Variants in GALNT11 observed in about 807,000 individuals in gnomAD.
The protein encoded by GALNT11 is polypeptide N-acetylgalactosaminyltransferase 11.
A neutral mutation model predicts 72.7 loss-of-function variants in GALNT11; 47 were observed. That is an observed-to-expected ratio of 0.65 (90% CI 0.51 to 0.82). The LOEUF (loss-of-function observed/expected upper bound fraction) is 0.82, where lower values mean the gene tolerates loss of function less well. GALNT11 is among the 40% of genes least tolerant of loss of function. The pLI, the probability that GALNT11 is intolerant of heterozygous loss-of-function variation, is 0.00. For missense variants in GALNT11, 677 were observed against 778.4 expected, an observed-to-expected ratio of 0.87 and a Z score of 1.55; for synonymous variants, 270 against 286.6, an observed-to-expected ratio of 0.94 and a Z score of 0.58.
intron 1 of GALNT11, among the ~76,000 whole-genome samples, chr7:152,064,813 G>A (rs928061892): frequency 1.3e-5 from 2 of 152,212 alleles, no homozygotes; most frequent in Admixed American, 1.3e-4. Flanking sequence ...AGTTTCTGCT[G>A]AGAGATCCGC....
In GALNT11 at chr7:152,113,257, T is replaced by C; in HGVS notation, c.1092T>C (p.Cys364=). Residue 364 remains cysteine, a synonymous_variant, in exon 8 of 12, where the codon TGT becomes TGC. Coordinates refer to ENST00000430044, the MANE Select transcript of GALNT11 (RefSeq NM_022087.4). ...TTGCTTCTGGCCAGATCTGGATGTG[T>C]GGCGGTAAGCTCTTCATCATCCCTT... ...NLEISFRIWM[C]GGKLFIIPCS... 6.2e-7 allele frequency: 1 copy of C among 1,613,014 alleles called. No individual in the cohort carries two copies. The highest frequency in any genetic ancestry group is 8.5e-7 in the Non-Finnish European group (1 of 1,179,474).
chr7:152,068,383 G>A (rs1448348689), intron 1 of GALNT11, among the ~76,000 whole-genome samples: 1 of 152,068 alleles, frequency 6.6e-6, no homozygotes, highest in African/African-American at 2.4e-5. Flanking sequence ...AAACTCCATT[G>A]TATGGATGTA....
intron 1 of GALNT11, among the ~76,000 whole-genome samples, chr7:152,059,351 C>T (rs1237498227): frequency 6.6e-6 from 1 of 152,050 alleles, no homozygotes; most frequent in Non-Finnish European, 1.5e-5. Flanking sequence ...ACCCTCCCAC[C>T]TCCACCTCCA....
At position 152,094,296 on chromosome 7, in the gene GALNT11, G is replaced by A; in HGVS notation, c.69G>A (p.Leu23=). 1 of 1,614,024 alleles carries A rather than the reference G, an allele frequency of 6.2e-7. No homozygotes were observed. Among genetic ancestry groups the A allele is most frequent in the Non-Finnish European group, 8.5e-7 (1 of 1,179,962 alleles). The change falls in exon 2 of 12, where the codon TTG becomes TTA. Residue 23 remains leucine (L), a synonymous_variant. Coordinates refer to ENST00000430044, the MANE Select transcript of GALNT11 (RefSeq NM_022087.4). The surrounding 1 kb of genome is among the most constrained non-coding windows in gnomAD (Gnocchi z 4.3). ...CLFTSATWTV[L]LFVYFNFSEV... ...TTACATCTGCGACCTGGACAGTTTTGCTTTTTGTTTATTTCAACTTCAGTG... is the reference window on the plus strand; with the variant it reads ...TTACATCTGCGACCTGGACAGTTTTACTTTTTGTTTATTTCAACTTCAGTG...
chr7:152,034,737 A>G (rs968193168), intron 1 of GALNT11, among the ~76,000 whole-genome samples: 1 of 152,142 alleles, frequency 6.6e-6, no homozygotes, highest in South Asian at 2.1e-4. Context: ...GACCCTGCGG[A>G]TGGGAATAGT....
rs2087121583 is a variant in GALNT11, at chr7:152,103,007, G to C, written c.420-105G>C. On this transcript the variant is annotated intron_variant, in intron 3 of 11. Coordinates refer to ENST00000430044, the MANE Select transcript of GALNT11 (RefSeq NM_022087.4). ...AAAAAAAAAAAAAAAGGCAGGGGGT[G>C]GGGGAAGAGGGTGAACAAGGGGACA... is the stretch of plus-strand genomic sequence containing the variant. 11 of 1,063,778 alleles carry C rather than the reference G, an allele frequency of 1.0e-5. No individual in the cohort carries two copies. In the South Asian group the frequency reaches 1.8e-4, roughly 18 times the overall value. The allele number at this position is 1,063,778 out of a possible 1,614,324, so 65.9% of individuals were successfully genotyped here.
chr7:152,079,333 A>G (rs1471348583), intron 1 of GALNT11: 1 of 152,178 alleles, frequency 6.6e-6, no homozygotes, highest in Non-Finnish European at 1.5e-5. Context: ...GCATTCATTC[A>G]AAGTGTTGAA....
chr7:152,113,978 G>T (rs149351633), intron 8 of GALNT11, among the ~76,000 whole-genome samples: 1,905 of 151,288 alleles, frequency 0.013, 43 homozygotes, highest in African/African-American at 0.044. Context: ...TGCCCAGGCT[G>T]GTCTTGAGCT....
chr7:152,087,076 G>A (rs537568126), intron 1 of GALNT11, among the ~76,000 whole-genome samples: 2 of 152,024 alleles, frequency 1.3e-5, no homozygotes, highest in Admixed American at 6.5e-5. Context: ...TATATTCTAC[G>A]CATTATTATA....
At chr7:152,097,898 G>A (rs561505082) in intron 2 of GALNT11, among the ~76,000 whole-genome samples, 3 of 152,296 alleles carry the variant, frequency 2.0e-5, no homozygotes, top group African/African-American at 7.2e-5. Context: ...TTCTTCTGCG[G>A]TGCTGACAAT....
At position 152,094,354 on chromosome 7, in the gene GALNT11, A is replaced by G; in HGVS notation, c.127A>G (p.Lys43Glu). ...TCAGCCACTTAAGAATGTGCCCGTC[A>G]AGGGGTCTGGGCCCCACGGACCATC... ...VTQPLKNVPV[K>E]GSGPHGPSPK... The change falls in exon 2 of 12, where the codon AAG becomes GAG. Residue 43 changes from lysine (K) to glutamate (E), a missense_variant. Transcript: ENST00000430044. This position sits in a 1 kb window ranked among gnomAD's most constrained non-coding sequence, Gnocchi z 4.3. 6.2e-7 allele frequency: 1 copy of G among 1,614,204 alleles called. No individual in the cohort carries two copies. The highest frequency in any genetic ancestry group is 1.1e-5 in the South Asian group (1 of 91,088).
chr7:152,026,108 G>A (rs1411758620), intron 1 of GALNT11, among the ~76,000 whole-genome samples: 5 of 152,114 alleles, frequency 3.3e-5, no homozygotes, highest in African/African-American at 1.2e-4. Flanking sequence ...GTTCGCGGGC[G>A]TGGGGGCGAG....
intron 1 of GALNT11, among the ~76,000 whole-genome samples, chr7:152,047,687 C>CGTGTGTGTGTGT (rs141152865): frequency 6.1e-5 from 9 of 147,048 alleles, no homozygotes; most frequent in African/African-American, 2.0e-4. Flanking sequence ...ACAGTGACAC[C>CGTGTGTGTGTGT]GTGTGTGTGT....
At chr7:152,063,719 AC>A (rs1208097242) in intron 1 of GALNT11, among the ~76,000 whole-genome samples, 22 of 152,126 alleles carry the variant, frequency 1.4e-4, no homozygotes, top group Non-Finnish European at 1.2e-4. Context: ...TTCATTATGT[AC>A]CCAGTAGTCA....
At chr7:152,111,259 C>T (rs2088163068) in intron 7 of GALNT11, among the ~76,000 whole-genome samples, 1 of 152,136 alleles carries the variant, frequency 6.6e-6, no homozygotes, top group Non-Finnish European at 1.5e-5. Flanking sequence ...CTCAAGCGAT[C>T]CTCCCACCTC....
chr7:152,064,260 A>G (rs969567199), intron 1 of GALNT11, among the ~76,000 whole-genome samples: 4 of 152,166 alleles, frequency 2.6e-5, no homozygotes, highest in Non-Finnish European at 5.9e-5. Context: ...CTGTTTTATC[A>G]GAGACTAGGA....
Position 152,108,032 on chromosome 7 carries a change from C to T in GALNT11, c.713-6C>T. The T allele has an allele frequency of 6.2e-7, 1 of 1,604,108 alleles. No individual in the cohort carries two copies. The highest frequency in any genetic ancestry group is 8.5e-7 in the Non-Finnish European group (1 of 1,172,246). ...CTCTCCTGAGCCTCTGTTGTTTCCT[C>T]CCCAGGAGAAGTCCTTGTGTTCCTG... is the stretch of plus-strand genomic sequence containing the variant. On this transcript the variant is annotated splice_polypyrimidine_tract_variant and splice_region_variant and intron_variant, in intron 5 of 11. Transcript: ENST00000430044.
At chr7:152,103,430 A>G in intron 4 of GALNT11, 152 bp downstream of exon 4, 1 of 705,604 alleles carries the variant, frequency 1.4e-6, no homozygotes, top group Non-Finnish European at 2.2e-6. Flanking sequence ...AGTCTGAAGA[A>G]ATCCATTATC....
intron 1 of GALNT11, among the ~76,000 whole-genome samples, chr7:152,074,821 G>T (rs1036939164): frequency 2.0e-5 from 3 of 152,138 alleles, no homozygotes; most frequent in Non-Finnish European, 4.4e-5. Flanking sequence ...ATTTCCTTGA[G>T]GCCCTGACCT....
Sources: gnomAD v4.1 joint callset for allele counts (sites outside exome capture counted in the v4.1 genomes callset) on GRCh38, gnomAD v4.1.1 for gene constraint, Gnocchi (gnomAD v3.1) non-coding constraint, MANE v1.5 for transcripts, NCBI Gene and HGNC (gene_info 2026-07-23, HGNC 2026-07-21) for gene names.